TMPRSS9: variants seen among roughly 807,000 people sequenced by gnomAD.
TMPRSS9 encodes transmembrane serine protease 9, also known as transmembrane protease serine 9.
Under a neutral mutation model 111.4 loss-of-function variants are expected in TMPRSS9, and 113 were observed. The observed-to-expected ratio is 1.01, with a 90% confidence interval of 0.87 to 1.19. The LOEUF (loss-of-function observed/expected upper bound fraction) is 1.19. Ranked by LOEUF, TMPRSS9 falls within the 50% of genes most tolerant of loss-of-function variation. TMPRSS9 has a pLI of 0.00. For synonymous variants in TMPRSS9, 805 were observed against 659.1 expected (o/e 1.22, Z -3.39); for missense variants, 1,803 against 1,513.1 (o/e 1.19, Z -3.18).
rs1971467876 is a variant in TMPRSS9, at chr19:2,421,843, T to G, written c.2155-11T>G. On this transcript the variant is annotated splice_polypyrimidine_tract_variant and intron_variant, in intron 13 of 17. Coordinates refer to ENST00000648592, the Ensembl canonical transcript of TMPRSS9. ...TGGAGGACCAACCAGTGCTCTTTCC[T>G]TCCTTTCTAGGGTGACTCTGGGGGC... is the stretch of plus-strand genomic sequence containing the variant. 6.3e-7 allele frequency: 1 copy of G among 1,580,862 alleles called. No homozygotes were observed.
At chr19:2,406,307 T>G (rs571114938) in intron 7 of TMPRSS9, among the ~76,000 whole-genome samples, 1 of 135,116 alleles carries the variant, frequency 7.4e-6, no homozygotes, top group East Asian at 2.4e-4. Flanking sequence ...CGTGAGCCAC[T>G]GCGCCCGGCC....
chr19:2,415,533 C>T (rs1221274457), intron 10 of TMPRSS9, 137 bp from the exon 12 acceptor site: 8 of 825,704 alleles, frequency 9.7e-6, no homozygotes, highest in East Asian at 3.1e-5. Flanking sequence ...GAAGCCTCCA[C>T]GGCTTCTTGT....
At chr19:2,384,812 CA>C (rs1176243923), upstream of TMPRSS9, among the ~76,000 whole-genome samples, 8,646 of 94,346 alleles carry the variant, frequency 0.092, 475 homozygotes, top group East Asian at 0.28. Context: ...AAGGCTCCGT[CA>C]AAAAAAAAAA....
At chr19:2,387,458 G>A (rs1599283482), upstream of TMPRSS9, among the ~76,000 whole-genome samples, 1 of 152,008 alleles carries the variant, frequency 6.6e-6, no homozygotes, top group Middle Eastern at 3.4e-3. Flanking sequence ...CTGTGCCACT[G>A]CACTCCAGCC....
At chr19:2,399,988 C>T (rs1970796071) in intron 4 of TMPRSS9, among the ~76,000 whole-genome samples, 1 of 152,182 alleles carries the variant, frequency 6.6e-6, no homozygotes, top group African/African-American at 2.4e-5. Flanking sequence ...CCTTGGCCTC[C>T]CAAAGTGCTG....
intron 13 of TMPRSS9, among the ~76,000 whole-genome samples, chr19:2,420,576 TA>T (rs1175767324): frequency 1.3e-5 from 2 of 152,082 alleles, no homozygotes; most frequent in Non-Finnish European, 2.9e-5. Context: ...AGGAAGGTGG[TA>T]AATAACCTGC....
At chr19:2,386,567 G>T (rs1373854032), upstream of TMPRSS9, among the ~76,000 whole-genome samples, 1 of 152,044 alleles carries the variant, frequency 6.6e-6, no homozygotes, top group Admixed American at 6.6e-5. Flanking sequence ...CACCCAGCCA[G>T]GATTTGAATT....
intron 12 of TMPRSS9, 126 bp from the exon 14 acceptor site, chr19:2,417,876 T>A (rs1333752179): frequency 1.5e-6 from 2 of 1,324,884 alleles, no homozygotes; most frequent in African/African-American, 2.9e-5. Context: ...TTCCTGCAAC[T>A]CTGTGAGCCC....
Position 2,370,527 on chromosome 19 carries a change from G to A in TMPRSS9, c.-26+10167G>A, listed in dbSNP as rs150956824. ...TATTTTTTGTGGAGATGGGGGTCTC[G>A]CTATGTTCCTCAGGCTGGTCTCAAC... On this transcript the variant is annotated intron_variant, in intron 1 of 17. Transcript: ENST00000649857. Among the ~76,000 whole-genome samples the A allele has an allele frequency of 8.3e-4, 126 of 151,762 alleles. 1 individual carries two copies. In the East Asian group the frequency reaches 0.021, roughly 25 times the overall value.
chr19:2,418,265 TGTC>T (rs1971303060), intron 13 of TMPRSS9, 127 bp downstream of exon 14: 2 of 684,026 alleles, frequency 2.9e-6, no homozygotes, highest in African/African-American at 4.9e-5. Context: ...CTTCCCTCCT[TGTC>T]CTTCCCTCCT....
chr19:2,408,274 T>C (rs1971013634), intron 7 of TMPRSS9, 82 bp from the exon 9 acceptor site: 4 of 1,415,378 alleles, frequency 2.8e-6, no homozygotes, highest in Non-Finnish European at 2.9e-6. Context: ...CCTTACATTT[T>C]GCACCCAAGG....
At position 2,393,387 on chromosome 19, in the gene TMPRSS9, G is replaced by A. The variant is rs188206667; in HGVS notation, c.143-3152G>A. The stretch of plus-strand genomic sequence containing the variant: ...AACACTCCCTGGGAAGGTCTACAGC[G>A]TCACTCCTGAAGCAAGCAAGACCAC... On this transcript the variant is annotated intron_variant, in intron 1 of 17. Coordinates refer to ENST00000648592, the Ensembl canonical transcript of TMPRSS9. Among the ~76,000 whole-genome samples the A allele has an allele frequency of 2.2e-3, 336 of 152,170 alleles. 1 individual carries two copies. The highest frequency in any genetic ancestry group is 0.014 in the Middle Eastern group (4 of 294).
In TMPRSS9 at chr19:2,425,005, C is replaced by CG. The variant is rs771354254; in HGVS notation, c.2725dup (p.Asp909GlyfsTer134). On this transcript the variant is annotated frameshift_variant, in exon 16 of 18. Coordinates refer to ENST00000648592, the Ensembl canonical transcript of TMPRSS9. LOFTEE classifies it high-confidence loss of function. ...CCTGTCCTCGCGCGCCCCGCAGCTA[C>CG]GGGGACCCCAAGCAGTGGGCGGCCT... 1 of 1,527,014 alleles carries CG rather than the reference C, an allele frequency of 6.5e-7. No individual in the cohort carries two copies. The highest frequency in any genetic ancestry group is 1.2e-5 in the South Asian group (1 of 83,452). 94.6% of individuals were successfully genotyped at this position (1,527,014 alleles called of 1,614,324 possible). A position where few individuals can be genotyped will look rare whatever the true frequency, so the allele number is the denominator to read the frequency against.
At chr19:2,361,631 C>A (rs372349655) in intron 1 of TMPRSS9, among the ~76,000 whole-genome samples, 1 of 152,122 alleles carries the variant, frequency 6.6e-6, no homozygotes, top group Non-Finnish European at 1.5e-5. Context: ...CCGGGAATGA[C>A]CCACATTCTG....
At chr19:2,367,277 G>A (rs1005519041) in intron 1 of TMPRSS9, among the ~76,000 whole-genome samples, 3 of 152,128 alleles carry the variant, frequency 2.0e-5, no homozygotes, top group Admixed American at 6.6e-5. Context: ...CTAACTCTTC[G>A]GTGCCTCCAA....
At chr19:2,379,615 C>CTCTTCCTT (rs1555676519) in intron 1 of TMPRSS9, among the ~76,000 whole-genome samples, 5 of 118,510 alleles carry the variant, frequency 4.2e-5, no homozygotes, top group South Asian at 3.0e-4. Context: ...AACTTTCTTT[C>CTCTTCCTT]TCTTTCTTTC....
At chr19:2,386,233 C>T (rs113067349), upstream of TMPRSS9, among the ~76,000 whole-genome samples, 12,165 of 152,208 alleles carry the variant, frequency 0.08, 704 homozygotes, top group Non-Finnish European at 0.13. Flanking sequence ...TGGCCGGGCA[C>T]GGTGGCTCAC....
intron 12 of TMPRSS9, 42 bp downstream of exon 13, chr19:2,416,851 C>T (rs931097910): frequency 5.6e-5 from 87 of 1,564,682 alleles, no homozygotes; most frequent in Non-Finnish European, 6.6e-5. Flanking sequence ...ATTTATTCTC[C>T]AGGGCCTGGC....
chr19:2,416,179 C>T, intron 11 of TMPRSS9: 1 of 422,028 alleles, frequency 2.4e-6, no homozygotes, highest in African/African-American at 2.0e-5. Flanking sequence ...GTCGAGGCTG[C>T]AGTGAGCCTG....
Sources: gnomAD v4.1 joint callset for allele counts (sites outside exome capture counted in the v4.1 genomes callset) on GRCh38, gnomAD v4.1.1 for gene constraint, MANE v1.5 for transcripts, NCBI Gene and HGNC (gene_info 2026-07-23, HGNC 2026-07-21) for gene names.